Variants in PRSS23 observed in about 807,000 individuals in gnomAD.
PRSS23 encodes the protein protease, serine 23.
In PRSS23, 25 loss-of-function variants were observed where a neutral mutation model predicts 34.7. That is an observed-to-expected ratio of 0.72 (90% CI 0.53 to 1.01). The LOEUF (loss-of-function observed/expected upper bound fraction) is 1.01, where lower values mean the gene tolerates loss of function less well. PRSS23 is among the 50% of genes least tolerant of loss of function. PRSS23 has a pLI of 0.00. For missense variants in PRSS23, 445 were observed against 475.6 expected (o/e 0.94, Z 0.60); for synonymous variants, 176 against 186.6 (o/e 0.94, Z 0.46).
At chr11:86,881,023 T>A (rs537715124) in intron 2 of PRSS23, among the ~76,000 whole-genome samples, 1 of 152,316 alleles carries the variant, frequency 6.6e-6, no homozygotes, top group Non-Finnish European at 1.5e-5. Flanking sequence ...CCAATCTCGA[T>A]TATTTGATTG....
At chr11:86,878,608 C>A (rs1041646427) in intron 2 of PRSS23, among the ~76,000 whole-genome samples, 2 of 152,166 alleles carry the variant, frequency 1.3e-5, no homozygotes, top group Non-Finnish European at 1.5e-5. Context: ...GATCTCGGCT[C>A]GCTACAACCT....
chr11:86,940,211 T>C (rs1590937495), intron 2 of PRSS23, among the ~76,000 whole-genome samples: 1 of 152,154 alleles, frequency 6.6e-6, no homozygotes, highest in Non-Finnish European at 1.5e-5. Flanking sequence ...CTGAATGCAG[T>C]GAAACTCAAG....
intron 2 of PRSS23, chr11:86,910,278 T>C (rs1428287548): frequency 2.0e-5 from 3 of 152,180 alleles, no homozygotes; most frequent in Non-Finnish European, 4.4e-5. Context: ...AAGGAGATGA[T>C]AGATGCTGGA....
rs1189345279 is a variant in PRSS23 at position 86,825,889 on chromosome 11, T to C, written c.206+2296T>C. The stretch of plus-strand genomic sequence containing the variant: ...TGCTGTTTTGGTTACTGTAGCCTTG[T>C]AGTATAGTTTGAAGTCAGGTAGGGT... On this transcript the variant is annotated intron_variant, in intron 2 of 2. Coordinates refer to the PRSS23 transcript ENST00000533902. Among the ~76,000 whole-genome samples, 187 of 152,190 alleles carry C rather than the reference T, an allele frequency of 1.2e-3. 1 individual carries two copies. The highest frequency in any genetic ancestry group is 4.3e-3 in the African/African-American group (177 of 41,546).
At chr11:86,830,672 A>G (rs561966055) in intron 2 of PRSS23, among the ~76,000 whole-genome samples, 2 of 152,256 alleles carry the variant, frequency 1.3e-5, no homozygotes, top group African/African-American at 4.8e-5. Context: ...GTTGCTCCTC[A>G]TATCACAGGG....
chr11:86,831,739 A>G (rs1290971526), intron 2 of PRSS23, among the ~76,000 whole-genome samples: 4 of 151,798 alleles, frequency 2.6e-5, no homozygotes, highest in Non-Finnish European at 4.4e-5. Flanking sequence ...GTTACTACCA[A>G]TGTCATAATG....
chr11:86,866,360 T>G (rs1180992699), intron 2 of PRSS23, among the ~76,000 whole-genome samples: 1 of 152,002 alleles, frequency 6.6e-6, no homozygotes, highest in Non-Finnish European at 1.5e-5. Context: ...AGGAGAATGG[T>G]AGGGTACAGG....
intron 2 of PRSS23, among the ~76,000 whole-genome samples, chr11:86,834,578 C>A (rs1471178348): frequency 7.5e-5 from 10 of 133,192 alleles, no homozygotes; most frequent in Non-Finnish European, 1.6e-5. Flanking sequence ...CTTTCCTTTC[C>A]TTTCCTTTCC....
chr11:86,952,258 C>T lies in PRSS23; in HGVS notation c.*973C>T, dbSNP rs1387034019. On this transcript the variant is annotated 3_prime_UTR_variant, in exon 3 of 3. Transcript: ENST00000533902. ...TGGGGGTTTTGTGAGGTAAGGGCACCTCTTCATCACCTGGCCCTTCCATGC... is the reference window on the plus strand; with the variant it reads ...TGGGGGTTTTGTGAGGTAAGGGCACTTCTTCATCACCTGGCCCTTCCATGC... 6.8e-6 allele frequency: 11 copies of T among 1,614,110 alleles called. No homozygotes were observed. In the South Asian group the frequency reaches 1.2e-4, roughly 18 times the overall value.
chr11:86,915,273 G>A (rs1028462800), intron 2 of PRSS23, among the ~76,000 whole-genome samples: 21 of 152,256 alleles, frequency 1.4e-4, no homozygotes, highest in African/African-American at 4.8e-4. Flanking sequence ...AGAAAACTCA[G>A]GGTGGGTTAG....
intron 2 of PRSS23, among the ~76,000 whole-genome samples, chr11:86,827,173 C>G (rs1377643993): frequency 6.6e-6 from 1 of 152,122 alleles, no homozygotes; most frequent in Non-Finnish European, 1.5e-5. Flanking sequence ...ATTTCAGAGC[C>G]TGTTATTGGT....
chr11:86,950,973 G>T (rs1181800990), intron 2 of PRSS23: 3 of 718,418 alleles, frequency 4.2e-6, no homozygotes, highest in Non-Finnish European at 4.8e-6. Flanking sequence ...AAAATCATTG[G>T]TTTTTTGATG....
At chr11:86,819,514 A>G (rs773467664) in intron 1 of PRSS23, among the ~76,000 whole-genome samples, 1 of 152,208 alleles carries the variant, frequency 6.6e-6, no homozygotes, top group Non-Finnish European at 1.5e-5. Context: ...ATATAAACCC[A>G]TAATTTCAAA....
chr11:86,841,185 C>A (rs1331875683), intron 2 of PRSS23, among the ~76,000 whole-genome samples: 1 of 151,554 alleles, frequency 6.6e-6, no homozygotes, highest in East Asian at 1.9e-4. Flanking sequence ...ACTAAAAATA[C>A]AAAATTAGCC....
chr11:86,909,365 C>T (rs560395329), intron 2 of PRSS23: 2 of 152,332 alleles, frequency 1.3e-5, no homozygotes, highest in East Asian at 3.9e-4. Context: ...GAACCCAATC[C>T]AAGGGGCTGA....
exon 3 of PRSS23, chr11:86,952,778 A>T (rs76149367): frequency 6.8e-4 from 140 of 207,110 alleles, no homozygotes; most frequent in Non-Finnish European, 1.2e-3. Context: ...AATAAATCTT[A>T]AAAAACTGGC....
At chr11:86,910,382 C>T (rs1364926910) in intron 2 of PRSS23, 2 of 152,112 alleles carry the variant, frequency 1.3e-5, no homozygotes, top group African/African-American at 2.4e-5. Flanking sequence ...ATCAAAATAA[C>T]CTCAAAACAG....
rs546219581 is a variant in PRSS23 at position 86,829,819 on chromosome 11, G to A, written c.206+6226G>A. Among the ~76,000 whole-genome samples, 95 of 152,292 alleles carry A rather than the reference G, an allele frequency of 6.2e-4. No homozygotes were observed. In the South Asian group the frequency reaches 9.3e-3, roughly 15 times the overall value. On this transcript the variant is annotated intron_variant, in intron 2 of 2. Coordinates refer to the PRSS23 transcript ENST00000533902. ...AGAACAGGGGATTTTCGTGAACCAC[G>A]AATGCTGCTGTCTGATCGTTCCTCT...
chr11:86,939,402 AAATAT>A lies in PRSS23; in HGVS notation c.207-11812_207-11808del, dbSNP rs200413433. 7.2e-3 allele frequency among the ~76,000 whole-genome samples: 436 copies of A among 60,376 alleles called. 14 individuals are homozygous for A. The South Asian group carries it at 0.093, about 13-fold the overall frequency. 39.6% of individuals were successfully genotyped at this position (60,376 alleles called of 152,430 possible). On this transcript the variant is annotated intron_variant, in intron 2 of 2. Coordinates refer to the PRSS23 transcript ENST00000533902. ...GTTCCTATTTCTCAGTTAAAAAAAA[AAATAT>A]ATATATATATATATATATATTTTTT...
Sources: gnomAD v4.1 joint callset for allele counts (sites outside exome capture counted in the v4.1 genomes callset) on GRCh38, gnomAD v4.1.1 for gene constraint, MANE v1.5 for transcripts, NCBI Gene and HGNC (gene_info 2026-07-23, HGNC 2026-07-21) for gene names.